RBM43: variants seen among roughly 807,000 people sequenced by gnomAD.
RBM43 encodes RNA binding motif protein 43, also known as RNA-binding protein 43.
RBM43 carries 12 observed loss-of-function variants against 12.4 expected under a neutral mutation model. The ratio of observed to expected loss-of-function variants is 0.97; its 90% CI spans 0.62 to 1.57. The LOEUF is 1.57. Ranked by LOEUF, RBM43 falls within the 40% of genes most tolerant of loss-of-function variation. The probability of loss-of-function intolerance (pLI) is 0.00; values close to 1 mark genes in which losing one functional copy is unlikely to be tolerated. For synonymous variants in RBM43, 138 were observed against 145.7 expected (o/e 0.95, Z 0.38); for missense variants, 348 against 400.1 (o/e 0.87, Z 1.11).
intron 2 of RBM43, among the ~76,000 whole-genome samples, 185 bp downstream of exon 2, chr2:151,255,348 G>T (rs367788388): frequency 1.3e-5 from 2 of 151,940 alleles, no homozygotes; most frequent in South Asian, 4.2e-4. Flanking sequence ...AACCTGGGAG[G>T]CAGAGGTTGC....
chr2:151,253,327 C>G (rs1682930662), intron 2 of RBM43, among the ~76,000 whole-genome samples: 1 of 152,144 alleles, frequency 6.6e-6, no homozygotes, highest in African/African-American at 2.4e-5. Context: ...TGATCTCAAC[C>G]ATCTCTATGG....
Position 151,255,562 on chromosome 2 carries a change from A to G in RBM43, c.185T>C (p.Val62Ala). 6.2e-7 allele frequency: 1 copy of G among 1,613,194 alleles called. No individual in the cohort carries two copies. The highest frequency in any genetic ancestry group is 8.5e-7 in the Non-Finnish European group (1 of 1,179,510). Residue 62 changes from valine (V) to alanine (A), a missense_variant, in exon 2 of 4, where the codon GTT (valine) becomes GCT (alanine). By Grantham distance (64) the Val-to-Ala change is moderately conservative. Transcript: ENST00000331426. ...DVIYPTRTKG[V>A]AYVIFKEKKV... ...TTTTTCTTTGAATATTACATATGCA[A>G]CTCCCTTGGTTCTTGTCGGATATAT...
chr2:151,257,311 A>C (rs1335687116), intron 1 of RBM43, among the ~76,000 whole-genome samples: 2 of 150,710 alleles, frequency 1.3e-5, no homozygotes, highest in African/African-American at 4.9e-5. Flanking sequence ...TGCGTGCACA[A>C]ACACACACAC....
intron 2 of RBM43, among the ~76,000 whole-genome samples, chr2:151,253,570 C>T (rs1682934221): frequency 6.6e-6 from 1 of 152,144 alleles, no homozygotes; most frequent in Non-Finnish European, 1.5e-5. Flanking sequence ...CAGTTCTTAT[C>T]ACCTGCCCTG....
chr2:151,253,658 G>C (rs943067598), intron 2 of RBM43, among the ~76,000 whole-genome samples: 3 of 152,100 alleles, frequency 2.0e-5, no homozygotes, highest in African/African-American at 7.2e-5. Context: ...TTTAAGAAAA[G>C]GCAGTCCAAT....
chr2:151,252,561 A>G (rs187950344), intron 3 of RBM43, among the ~76,000 whole-genome samples, 194 bp downstream of exon 3: 17 of 152,340 alleles, frequency 1.1e-4, no homozygotes, highest in African/African-American at 4.1e-4. Context: ...ACACACATAG[A>G]AAGATAAAAA....
Position 151,255,750 on chromosome 2 carries a change from G to A in RBM43, c.4-7C>T, listed in dbSNP as rs771073981. 9 of 1,594,552 alleles carry A rather than the reference G, an allele frequency of 5.6e-6. No homozygotes were observed. In the South Asian group the frequency reaches 8.8e-5, roughly 16 times the overall value. On this transcript the variant is annotated splice_region_variant and splice_polypyrimidine_tract_variant and intron_variant, in intron 1 of 3. Transcript: ENST00000331426. ...TGACATTCAAAACTGATGCCTGTAA[G>A]AGAAACAGCAGGTTATTCTTTAAAA...
chr2:151,261,603 G>GC, intron 1 of RBM43, 122 bp downstream of exon 1: 2 of 1,536,798 alleles, frequency 1.3e-6, no homozygotes, highest in Non-Finnish European at 1.8e-6. Context: ...TCCGTGCGCC[G>GC]CCCCCTCCCG....
chr2:151,261,552 G>C (rs901137113), intron 1 of RBM43, 173 bp downstream of exon 1: 1 of 1,544,080 alleles, frequency 6.5e-7, no homozygotes, highest in African/African-American at 1.4e-5. Flanking sequence ...TGCCCGCCGG[G>C]GTGGACGGCT....
chr2:151,249,283 T>C lies in RBM43; in HGVS notation c.*1623A>G, dbSNP rs915779414. ...AATTTAATGTTTTGAGAAGAAAGAA[T>C]TTCAATTCTAGGTGATCTTTAGTAT... On this transcript the variant is annotated 3_prime_UTR_variant, in exon 4 of 4. Transcript: ENST00000331426. 6.6e-6 allele frequency: 1 copy of C among 152,056 alleles called. No individual in the cohort carries two copies. Among genetic ancestry groups the C allele is most frequent in the Non-Finnish European group, 1.5e-5 (1 of 67,994 alleles). The allele number at this position is 152,056 out of a possible 1,614,324, so 9.4% of individuals were successfully genotyped here.
intron 1 of RBM43, among the ~76,000 whole-genome samples, chr2:151,258,286 AC>A (rs1227617375): frequency 2.6e-5 from 4 of 151,634 alleles, no homozygotes; most frequent in Admixed American, 6.6e-5. Context: ...CACATTCCCT[AC>A]CCCCAGTGCA....
chr2:151,260,327 G>A (rs981470284), intron 1 of RBM43, among the ~76,000 whole-genome samples: 3 of 151,966 alleles, frequency 2.0e-5, no homozygotes, highest in African/African-American at 4.8e-5. Flanking sequence ...CTGACCTCAA[G>A]TGATCCGCCC....
At chr2:151,255,379 C>T (rs1168470670) in intron 2 of RBM43, among the ~76,000 whole-genome samples, 154 bp downstream of exon 2, 2 of 151,822 alleles carry the variant, frequency 1.3e-5, no homozygotes, top group Non-Finnish European at 2.9e-5. Context: ...GATCATGCCA[C>T]CGCACTCTAA....
rs1683049033 is a variant in RBM43, at chr2:151,261,683, G to T, written c.3+42C>A. On this transcript the variant is annotated intron_variant, in intron 1 of 3. Coordinates refer to ENST00000331426, the MANE Select transcript of RBM43 (RefSeq NM_198557.3). ...CTAGGGGACCATGGCGACGGTACAGGCACGGACCTGCACCGCAAAACCCAA... is the reference window on the plus strand; with the variant it reads ...CTAGGGGACCATGGCGACGGTACAGTCACGGACCTGCACCGCAAAACCCAA... The T allele has an allele frequency of 8.8e-6, 14 of 1,586,118 alleles. No homozygotes were observed. In the East Asian group the frequency reaches 3.2e-4, roughly 36 times the overall value.
Position 151,251,437 on chromosome 2 carries a change from G to A in RBM43, c.543C>T (p.Thr181=). The part of the protein sequence containing the change: ...CSLLEKDRNF[T]SEERKWNRQN... ...GTCTATTCCACTTTCTCTCCTCACT[G>A]GTAAAATTTCTGTCTTTTTCTAAGA... Residue 181 remains threonine, a synonymous_variant, in exon 4 of 4, where the codon ACC becomes ACT. Transcript: ENST00000331426. The A allele has an allele frequency of 6.2e-7, 1 of 1,614,112 alleles. No homozygotes were observed. Among genetic ancestry groups the A allele is most frequent in the Non-Finnish European group, 8.5e-7 (1 of 1,179,988 alleles).
intron 1 of RBM43, among the ~76,000 whole-genome samples, chr2:151,259,672 A>G (rs976559168): frequency 1.3e-5 from 2 of 152,088 alleles, no homozygotes; most frequent in African/African-American, 4.8e-5. Context: ...TGAAAATTTA[A>G]ATATGGTTAC....
chr2:151,258,385 A>T (rs903658926), intron 1 of RBM43, among the ~76,000 whole-genome samples: 5 of 135,658 alleles, frequency 3.7e-5, no homozygotes, highest in South Asian at 2.3e-4. Context: ...ATTTTACTTT[A>T]AAAAAAAAAA....
chr2:151,261,361 A>G (rs1375695259), intron 1 of RBM43: 1 of 1,550,580 alleles, frequency 6.4e-7, no homozygotes. Context: ...GTTAAGCCCT[A>G]ACAGCCTGCG....
At chr2:151,258,488 G>C (rs935179613) in intron 1 of RBM43, among the ~76,000 whole-genome samples, 1 of 152,042 alleles carries the variant, frequency 6.6e-6, no homozygotes, top group Non-Finnish European at 1.5e-5. Context: ...TTGAGGCCAG[G>C]AGTTCCAGAC....
Sources: gnomAD v4.1 joint callset for allele counts (sites outside exome capture counted in the v4.1 genomes callset) on GRCh38, gnomAD v4.1.1 for gene constraint, MANE v1.5 for transcripts, NCBI Gene and HGNC (gene_info 2026-07-23, HGNC 2026-07-21) for gene names.